The following BCAS1 variants were observed in gnomAD, a reference collection of about 807,000 sequenced individuals.
BCAS1 encodes the protein breast carcinoma-amplified sequence 1.
BCAS1 carries 46 observed loss-of-function variants against 65.4 expected under a neutral mutation model. That is an observed-to-expected ratio of 0.70 (90% CI 0.55 to 0.90). BCAS1 has a LOEUF of 0.90. Ranked by LOEUF, BCAS1 falls within the 40% of genes least tolerant of loss-of-function variation. The pLI, the probability that BCAS1 is intolerant of heterozygous loss-of-function variation, is 0.00. For synonymous variants in BCAS1, 298 were observed against 293.5 expected (o/e 1.02, Z -0.16); for missense variants, 793 against 771.2 (o/e 1.03, Z -0.33).
intron 4 of BCAS1, among the ~76,000 whole-genome samples, chr20:54,012,748 A>G (rs2091349687): frequency 2.0e-5 from 3 of 152,242 alleles, no homozygotes; most frequent in Admixed American, 2.0e-4. Flanking sequence ...TTTAATTCTT[A>G]CAACGATCCC....
At chr20:54,026,897 T>C (rs1390385930) in intron 4 of BCAS1, among the ~76,000 whole-genome samples, 1 of 152,238 alleles carries the variant, frequency 6.6e-6, no homozygotes, top group East Asian at 1.9e-4. Context: ...TGCATTGCAA[T>C]TGCAGGTTTA....
intron 6 of BCAS1, 107 bp from the exon 7 acceptor site, chr20:53,992,753 G>A: frequency 1.8e-6 from 2 of 1,085,178 alleles, no homozygotes; most frequent in Non-Finnish European, 2.5e-6. Flanking sequence ...ATTAACTGTT[G>A]GTACACCATC....
At chr20:53,955,606 C>T (rs117690999) in intron 11 of BCAS1, among the ~76,000 whole-genome samples, 1 of 152,142 alleles carries the variant, frequency 6.6e-6, no homozygotes, top group Non-Finnish European at 1.5e-5. Context: ...GCTGTGTGAC[C>T]AAGGATAAAC....
At chr20:54,024,261 G>A (rs1171278911) in intron 4 of BCAS1, among the ~76,000 whole-genome samples, 1 of 152,228 alleles carries the variant, frequency 6.6e-6, no homozygotes, top group Non-Finnish European at 1.5e-5. Flanking sequence ...GGACTCTGGA[G>A]ACCTTAGTTC....
chr20:54,043,981 C>T (rs2092050261), intron 3 of BCAS1, among the ~76,000 whole-genome samples: 1 of 152,200 alleles, frequency 6.6e-6, no homozygotes, highest in African/African-American at 2.4e-5. Flanking sequence ...GATAAACTTC[C>T]AGAAACTTGA....
chr20:54,058,533 C>T, intron 2 of BCAS1, 114 bp downstream of exon 2: 2 of 1,498,636 alleles, frequency 1.3e-6, no homozygotes, highest in Admixed American at 4.5e-5. Context: ...CTTGCACACA[C>T]AGACACAATC....
chr20:54,039,917 T>C (rs1255976414), intron 3 of BCAS1, among the ~76,000 whole-genome samples: 1 of 151,434 alleles, frequency 6.6e-6, no homozygotes, highest in Non-Finnish European at 1.5e-5. Flanking sequence ...GTTGTTTTTA[T>C]AGAAATTGGA....
intron 4 of BCAS1, among the ~76,000 whole-genome samples, chr20:53,998,288 T>G (rs932983452): frequency 6.6e-6 from 1 of 152,170 alleles, no homozygotes; most frequent in Admixed American, 6.5e-5. Context: ...GGCCATTTTT[T>G]GCGTTGTTAT....
At chr20:54,014,979 G>A (rs1360578053) in intron 4 of BCAS1, among the ~76,000 whole-genome samples, 2 of 152,138 alleles carry the variant, frequency 1.3e-5, no homozygotes, top group Non-Finnish European at 2.9e-5. Flanking sequence ...TAATATGCAA[G>A]CAGGAAGGAA....
At chr20:54,066,494 C>T (rs891684480) in intron 1 of BCAS1, among the ~76,000 whole-genome samples, 4 of 152,192 alleles carry the variant, frequency 2.6e-5, no homozygotes, top group Admixed American at 1.3e-4. Context: ...GTGTTGGATT[C>T]GTGTTGAAGC....
intron 4 of BCAS1, among the ~76,000 whole-genome samples, chr20:54,001,417 A>T (rs1046139012): frequency 3.3e-5 from 5 of 152,192 alleles, no homozygotes. Context: ...ATTAGACACA[A>T]CATTAGAAAT....
chr20:54,035,979 C>T (rs142132173), intron 3 of BCAS1, among the ~76,000 whole-genome samples: 2,025 of 151,318 alleles, frequency 0.013, 57 homozygotes, highest in African/African-American at 0.046. Context: ...TACATGTTCT[C>T]ACTTATAAAT....
chr20:53,978,356 AT>A lies in BCAS1; in HGVS notation c.1276-2927del, dbSNP rs539553962. Among the ~76,000 whole-genome samples the A allele has an allele frequency of 2.6e-3, 388 of 152,054 alleles. 2 individuals are homozygous for A. Among genetic ancestry groups the A allele is most frequent in the African/African-American group, 9.1e-3 (379 of 41,496 alleles). ...TTACTTAAATATATTTTTACTTAAT[AT>A]TTTTTTCTTAAATATATTTTAAAAG... On this transcript the variant is annotated intron_variant, in intron 8 of 12. Transcript: ENST00000688948.
chr20:53,959,631 C>T (rs958261458), intron 10 of BCAS1, among the ~76,000 whole-genome samples: 17 of 152,294 alleles, frequency 1.1e-4, no homozygotes, highest in Admixed American at 9.8e-4. Context: ...CTCCTGGGCT[C>T]AAGTGATCCT....
chr20:53,974,887 C>G (rs2090283766), intron 9 of BCAS1, among the ~76,000 whole-genome samples: 1 of 152,214 alleles, frequency 6.6e-6, no homozygotes, highest in Non-Finnish European at 1.5e-5. Flanking sequence ...ACGTCTCTAT[C>G]TCAGAGGTAG....
At chr20:53,981,520 A>G (rs959678707) in intron 8 of BCAS1, among the ~76,000 whole-genome samples, 2 of 151,842 alleles carry the variant, frequency 1.3e-5, no homozygotes, top group South Asian at 4.1e-4. Context: ...AATTCACTGA[A>G]TATCAGTCAT....
At chr20:54,014,372 T>C (rs1192008753) in intron 4 of BCAS1, among the ~76,000 whole-genome samples, 1 of 152,352 alleles carries the variant, frequency 6.6e-6, no homozygotes, top group African/African-American at 2.4e-5. Flanking sequence ...CAATTTGTCA[T>C]GTTGAAAAAT....
chr20:53,944,836 T>C lies in BCAS1; in HGVS notation c.*86A>G, dbSNP rs1422369395. On this transcript the variant is annotated 3_prime_UTR_variant, in exon 13 of 13. Transcript: ENST00000688948. ...ATTTGCTGGCCATCAGAAGAATATATACATGGAGCGTGTTTGGGGAGGAGA... is the reference window on the plus strand; with the variant it reads ...ATTTGCTGGCCATCAGAAGAATATACACATGGAGCGTGTTTGGGGAGGAGA... 1 of 1,238,882 alleles carries C rather than the reference T, an allele frequency of 8.1e-7. No individual in the cohort carries two copies. Among genetic ancestry groups the C allele is most frequent in the Non-Finnish European group, 1.2e-6 (1 of 838,478 alleles). 76.7% of individuals were successfully genotyped at this position (1,238,882 alleles called of 1,614,324 possible).
In BCAS1 at chr20:54,035,750, C is replaced by A. The variant is rs796598137; in HGVS notation, c.143-6778G>T. 2.0e-4 allele frequency among the ~76,000 whole-genome samples: 31 copies of A among 151,298 alleles called. 1 individual carries two copies. In the South Asian group the frequency reaches 6.1e-3, roughly 30 times the overall value. ...AATCATTCTTTTATAAAGATACATG[C>A]ATGTGTATGTTCATTGCAGCACTAT... On this transcript the variant is annotated intron_variant, in intron 3 of 12. Transcript: ENST00000688948.
Sources: gnomAD v4.1 joint callset for allele counts (sites outside exome capture counted in the v4.1 genomes callset) on GRCh38, gnomAD v4.1.1 for gene constraint, MANE v1.5 for transcripts, NCBI Gene and HGNC (gene_info 2026-07-23, HGNC 2026-07-21) for gene names.